Variants in OSBP observed in about 807,000 individuals in gnomAD.
The protein encoded by OSBP is oxysterol binding protein.
In OSBP, 32 loss-of-function variants were observed where a neutral mutation model predicts 96.6. That is an observed-to-expected ratio of 0.33 (90% CI 0.25 to 0.45). The LOEUF (loss-of-function observed/expected upper bound fraction) is 0.45, where lower values mean the gene tolerates loss of function less well. Ranked by LOEUF, OSBP falls within the 20% of genes least tolerant of loss-of-function variation. OSBP has a pLI of 1.00. For missense variants in OSBP, 653 were observed against 1,029.7 expected, an observed-to-expected ratio of 0.63 and a Z score of 5.01; for synonymous variants, 369 against 389.6, an observed-to-expected ratio of 0.95 and a Z score of 0.62.
At chr11:59,584,139 G>A (rs1359817517) in intron 9 of OSBP, among the ~76,000 whole-genome samples, 2 of 151,538 alleles carry the variant, frequency 1.3e-5, no homozygotes, top group East Asian at 3.9e-4. Flanking sequence ...TAGACACAGG[G>A]TTCCACTATG....
Position 59,578,301 on chromosome 11 carries a change from T to C in OSBP, c.1908A>G (p.Gly636=). 6.2e-7 allele frequency: 1 copy of C among 1,614,210 alleles called. No homozygotes were observed. The highest frequency in any genetic ancestry group is 1.7e-5 in the Admixed American group (1 of 60,030). ...KVTGEVTDPS[G]KVHFALLGTW... The stretch of plus-strand genomic sequence containing the variant: ...TCCCCAGAAGAGCAAAGTGGACTTT[T>C]CCTGATGGATCTGTCACTTCCCCCG... Residue 636 remains glycine, a synonymous_variant, in exon 12 of 14, where the codon GGA becomes GGG. Transcript: ENST00000263847.
Position 59,615,535 on chromosome 11 carries a change from C to A in OSBP, c.130G>T (p.Gly44Trp). 1 of 1,325,202 alleles carries A rather than the reference C, an allele frequency of 7.5e-7. No homozygotes were observed. The highest frequency in any genetic ancestry group is 9.7e-7 in the Non-Finnish European group (1 of 1,033,944). 82.1% of individuals were successfully genotyped at this position (1,325,202 alleles called of 1,614,324 possible). Residue 44 changes from glycine (G) to tryptophan (W), a missense_variant, in exon 1 of 14, where the codon GGG (glycine) becomes TGG (tryptophan). Coordinates refer to ENST00000263847, the MANE Select transcript of OSBP (RefSeq NM_002556.3). ...GCGACCACCGTCCCTGACGCGGCCC[C>A]GGAGCCTGGCCCCGCATCTCCGCGG... ...GGRGDAGPGS[G>W]AASGTVVAAA...
intron 1 of OSBP, among the ~76,000 whole-genome samples, chr11:59,611,150 A>AAAG (rs1554981343): frequency 2.7e-5 from 4 of 150,606 alleles, no homozygotes; most frequent in Non-Finnish European, 5.9e-5. Context: ...AAAAAAAAAA[A>AAAG]AAAGAAAGAA....
intron 9 of OSBP, among the ~76,000 whole-genome samples, chr11:59,589,737 C>A (rs1860553771): frequency 6.6e-6 from 1 of 152,140 alleles, no homozygotes; most frequent in South Asian, 2.1e-4. Context: ...GTAATCCCAG[C>A]ACTTTGGGAG....
At chr11:59,594,782 C>T (rs1007712365) in intron 7 of OSBP, among the ~76,000 whole-genome samples, 4 of 152,200 alleles carry the variant, frequency 2.6e-5, no homozygotes, top group African/African-American at 9.7e-5. Flanking sequence ...ATTCTGATTT[C>T]TCCTCTGAGG....
chr11:59,576,455 T>A lies in OSBP; in HGVS notation c.*122A>T. 9.0e-7 allele frequency: 1 copy of A among 1,116,158 alleles called. No homozygotes were observed. Among genetic ancestry groups the A allele is most frequent in the South Asian group, 1.6e-5 (1 of 63,884 alleles). The allele number at this position is 1,116,158 out of a possible 1,614,324, so 69.1% of individuals were successfully genotyped here. ...CTTCTGGTGATTGATTTGGAAAAAA[T>A]GATTGGTCAAGAGAGACAAACTTGA... On this transcript the variant is annotated 3_prime_UTR_variant, in exon 14 of 14. Transcript: ENST00000263847.
chr11:59,599,076 A>G (rs1860689969), intron 7 of OSBP, among the ~76,000 whole-genome samples: 1 of 152,218 alleles, frequency 6.6e-6, no homozygotes, highest in African/African-American at 2.4e-5. Flanking sequence ...GCCCTGGACC[A>G]CCTACTTCTG....
intron 1 of OSBP, among the ~76,000 whole-genome samples, 178 bp downstream of exon 1, chr11:59,615,125 G>C (rs1207658558): frequency 1.3e-5 from 2 of 152,216 alleles, no homozygotes; most frequent in African/African-American, 4.8e-5. Context: ...TGTACGTCCA[G>C]GGGCTTTTCA....
Position 59,576,359 on chromosome 11 carries a change from A to C in OSBP, c.*218T>G, listed in dbSNP as rs1168605182. 3 of 550,084 alleles carry C rather than the reference A, an allele frequency of 5.5e-6. No homozygotes were observed. The highest frequency in any genetic ancestry group is 9.6e-6 in the Non-Finnish European group (3 of 311,744). 34.1% of individuals were successfully genotyped at this position (550,084 alleles called of 1,614,324 possible). A position where few individuals can be genotyped will look rare whatever the true frequency, so the allele number is the denominator to read the frequency against. On this transcript the variant is annotated 3_prime_UTR_variant, in exon 14 of 14. Transcript: ENST00000263847. ...GCCACTAAACCTCTCCCTTACAGAC[A>C]TAGTATCTCCTATGTCGATTTCAGT...
chr11:59,593,572 A>T, intron 9 of OSBP, 32 bp downstream of exon 9: 1 of 1,612,476 alleles, frequency 6.2e-7, no homozygotes, highest in Non-Finnish European at 8.5e-7. Flanking sequence ...TCATTCCAGG[A>T]GCATTAATTC....
intron 9 of OSBP, among the ~76,000 whole-genome samples, chr11:59,591,627 CT>C (rs530339994): frequency 7.5e-4 from 104 of 138,962 alleles, no homozygotes; most frequent in African/African-American, 7.6e-4. Flanking sequence ...TTTTCTTTTC[CT>C]TTTTTTTTTT....
chr11:59,578,725 T>G (rs919936374), intron 11 of OSBP, among the ~76,000 whole-genome samples: 2 of 152,234 alleles, frequency 1.3e-5, no homozygotes, highest in African/African-American at 4.8e-5. Context: ...GTGTTAGGAT[T>G]ATAGGCATGA....
chr11:59,608,552 T>C lies in OSBP; in HGVS notation c.754A>G (p.Asn252Asp). The C allele has an allele frequency of 6.2e-7, 1 of 1,614,156 alleles. No homozygotes were observed. The highest frequency in any genetic ancestry group is 1.6e-4 in the Middle Eastern group (1 of 6,062). Reference protein sequence around the residue: ...LESLKLPAESNEKIKQVNERA... With the variant: ...LESLKLPAESDEKIKQVNERA... ...TCGTTGACCTGTTTGATCTTTTCAT[T>C]GCTCTCAGCAGGCAACTTCAGGGAC... Residue 252 changes from asparagine to aspartate, a missense_variant, in exon 3 of 14, where the codon AAT (asparagine) becomes GAT (aspartate). This residue lies in a region of OSBP where 308 missense variants were observed against 573.1 expected (regional missense o/e 0.54). Transcript: ENST00000263847.
In OSBP at chr11:59,615,678, C is replaced by T. The variant is rs1860919636; in HGVS notation, c.-14G>A. On this transcript the variant is annotated 5_prime_UTR_variant, in exon 1 of 14. Coordinates refer to ENST00000263847, the MANE Select transcript of OSBP (RefSeq NM_002556.3). ...CGTCGCCGCCATGAGCCGCCGCCGC[C>T]TGGAGATACAAGACCGGAACCGCCT... 26 of 1,313,260 alleles carry T rather than the reference C, an allele frequency of 2.0e-5. No homozygotes were observed. Among genetic ancestry groups the T allele is most frequent in the Non-Finnish European group, 2.4e-5 (25 of 1,032,152 alleles). The allele number at this position is 1,313,260 out of a possible 1,614,324, so 81.4% of individuals were successfully genotyped here.
At position 59,600,836 on chromosome 11, in the gene OSBP, T is replaced by A; in HGVS notation, c.1162A>T (p.Ile388Phe). The A allele has an allele frequency of 6.2e-7, 1 of 1,613,646 alleles. No individual in the cohort carries two copies. The highest frequency in any genetic ancestry group is 8.5e-7 in the Non-Finnish European group (1 of 1,179,826). The change falls in exon 6 of 14, where the codon ATC becomes TTC. Residue 388 changes from isoleucine (I) to phenylalanine (F), a missense_variant. Coordinates refer to ENST00000263847, the MANE Select transcript of OSBP (RefSeq NM_002556.3). ...AGAATTACCTGTTCATCAAGGCTGA[T>A]GTCACTGCTGGCTCCACTGATATTG... is the stretch of plus-strand genomic sequence containing the variant. ...GSNISGASSDISLDEQYKHQL... is the reference protein window; with the variant it reads ...GSNISGASSDFSLDEQYKHQL...
intron 7 of OSBP, among the ~76,000 whole-genome samples, chr11:59,595,925 C>A (rs1467554868): frequency 4.0e-5 from 6 of 150,534 alleles, no homozygotes; most frequent in Non-Finnish European, 8.8e-5. Context: ...GCCTGGGCAA[C>A]AGAGCGAGAC....
At chr11:59,612,048 T>C (rs17153987) in intron 1 of OSBP, among the ~76,000 whole-genome samples, 3,590 of 152,310 alleles carry the variant, frequency 0.024, 142 homozygotes, top group African/African-American at 0.083. Context: ...AGCAGAGCCA[T>C]TTCCCTTTCA....
Position 59,615,652 on chromosome 11 carries a change from C to T in OSBP, c.13G>A (p.Glu5Lys). Residue 5 changes from glutamate (E) to lysine (K), a missense_variant, in exon 1 of 14, where the codon GAG becomes AAG. By Grantham distance (56) the Glu-to-Lys change is moderately conservative. Transcript: ENST00000263847. ...CCTGGCCCCACCACTCCTCTCAGCT[C>T]CGTCGCCGCCATGAGCCGCCGCCGC... MAATELRGVVGPGPA... is the reference protein window; with the variant it reads MAATKLRGVVGPGPA... 1 of 1,356,994 alleles carries T rather than the reference C, an allele frequency of 7.4e-7. No homozygotes were observed. The highest frequency in any genetic ancestry group is 9.5e-7 in the Non-Finnish European group (1 of 1,055,132). 84.1% of individuals were successfully genotyped at this position (1,356,994 alleles called of 1,614,324 possible). A position where few individuals can be genotyped will look rare whatever the true frequency, so the allele number is the denominator to read the frequency against.
At chr11:59,581,606 CCATGCAGCCT>C in intron 9 of OSBP, 52 bp from the exon 10 acceptor site, 1 of 937,372 alleles carries the variant, frequency 1.1e-6, no homozygotes, top group Non-Finnish European at 1.8e-6. Flanking sequence ...AAAAATAGCA[CCATGCAGCCT>C]CAAAACAGTA....
Sources: gnomAD v4.1 joint callset for allele counts (sites outside exome capture counted in the v4.1 genomes callset) on GRCh38, gnomAD v4.1.1 for gene constraint, gnomAD v4.1.1 regional missense constraint, MANE v1.5 for transcripts, NCBI Gene and HGNC (gene_info 2026-07-23, HGNC 2026-07-21) for gene names.